The following C4BPA variants were observed in gnomAD, a reference collection of about 807,000 sequenced individuals.
The protein encoded by C4BPA is C4b-binding protein alpha chain.
C4BPA carries 31 observed loss-of-function variants against 63.7 expected under a neutral mutation model. The ratio of observed to expected loss-of-function variants is 0.49; its 90% CI spans 0.37 to 0.66. The LOEUF is 0.66. C4BPA is among the 30% of genes least tolerant of loss of function. C4BPA has a pLI of 0.00. For synonymous variants in C4BPA, 259 were observed against 254.7 expected (o/e 1.02, Z -0.16); for missense variants, 572 against 723.3 (o/e 0.79, Z 2.40).
At chr1:207,125,028 A>G (rs1189404325) in intron 6 of C4BPA, among the ~76,000 whole-genome samples, 1 of 152,260 alleles carries the variant, frequency 6.6e-6, no homozygotes, top group African/African-American at 2.4e-5. Flanking sequence ...AAAGCAAGTG[A>G]TAATTGAGTC....
In C4BPA at chr1:207,144,778, G is replaced by T; in HGVS notation, c.*61G>T. Reference sequence around the variant, plus strand: ...GGCTTGCCTCTTGCAATTCAATACAGATCAGTTTAGCAAATCTACTGTCAA... The same window carrying T: ...GGCTTGCCTCTTGCAATTCAATACATATCAGTTTAGCAAATCTACTGTCAA... On this transcript the variant is annotated 3_prime_UTR_variant, in exon 12 of 12. Transcript: ENST00000367070. 1 of 1,096,332 alleles carries T rather than the reference G, an allele frequency of 9.1e-7. No individual in the cohort carries two copies. The highest frequency in any genetic ancestry group is 1.3e-6 in the Non-Finnish European group (1 of 788,138). 67.9% of individuals were successfully genotyped at this position (1,096,332 alleles called of 1,614,324 possible).
chr1:207,139,550 G>GA (rs1685366604), intron 9 of C4BPA, among the ~76,000 whole-genome samples: 1 of 152,130 alleles, frequency 6.6e-6, no homozygotes, highest in Non-Finnish European at 1.5e-5. Context: ...CGCAGGTCAA[G>GA]AACCCAATAT....
At position 207,144,584 on chromosome 1, in the gene C4BPA, G is replaced by A. The variant is rs1006960209; in HGVS notation, c.1661G>A (p.Arg554Lys). ...TGTGAACAAGTGCTCACAGGCAAAA[G>A]ACTCATGCAGTGTCTCCCAAACCCA... ...EGCEQVLTGK[R>K]LMQCLPNPED... The change falls in exon 12 of 12, where the codon AGA (arginine) becomes AAA (lysine). Residue 554 changes from arginine to lysine, a missense_variant. Transcript: ENST00000367070. The A allele has an allele frequency of 1.2e-6, 2 of 1,612,842 alleles. No individual in the cohort carries two copies. Among genetic ancestry groups the A allele is most frequent in the African/African-American group, 2.7e-5 (2 of 74,842 alleles).
chr1:207,118,200 CT>C (rs1684847213), intron 4 of C4BPA, among the ~76,000 whole-genome samples: 1 of 147,230 alleles, frequency 6.8e-6, no homozygotes, highest in Non-Finnish European at 1.5e-5. Context: ...TATCATCTAT[CT>C]ATCTATCATC....
intron 6 of C4BPA, among the ~76,000 whole-genome samples, chr1:207,124,788 AAGAG>A (rs1685000335): frequency 6.6e-6 from 1 of 152,196 alleles, no homozygotes; most frequent in African/African-American, 2.4e-5. Context: ...TCAGTAGACG[AAGAG>A]AGAAAGGCCA....
At chr1:207,142,305 A>T (rs1263090763) in intron 10 of C4BPA, among the ~76,000 whole-genome samples, 1 of 152,104 alleles carries the variant, frequency 6.6e-6, no homozygotes, top group Non-Finnish European at 1.5e-5. Flanking sequence ...ACAGTTTCTT[A>T]ATCCAGTCTA....
In C4BPA at chr1:207,141,243, T is replaced by G; in HGVS notation, c.1411T>G (p.Ser471Ala). The G allele has an allele frequency of 1.2e-6, 2 of 1,613,586 alleles. No homozygotes were observed. Among genetic ancestry groups the G allele is most frequent in the Non-Finnish European group, 1.7e-6 (2 of 1,179,808 alleles). ...ACAGGCGAAACTCTCCTGCAGTTATTCACACTGGTCAGCTCCAGCCCCTCA... is the reference window on the plus strand; with the variant it reads ...ACAGGCGAAACTCTCCTGCAGTTATGCACACTGGTCAGCTCCAGCCCCTCA... ...VGQAKLSCSYSHWSAPAPQCK... is the reference protein window; with the variant it reads ...VGQAKLSCSYAHWSAPAPQCK... The change falls in exon 10 of 12, where the codon TCA becomes GCA. Residue 471 changes from serine (S) to alanine (A), a missense_variant. By Grantham distance (99) the Ser-to-Ala change is moderately conservative. Around this residue, in one of 2 missense-constraint regions of C4BPA, gnomAD observed 465 missense variants for 629.4 expected, o/e 0.74. Coordinates refer to ENST00000367070, the MANE Select transcript of C4BPA (RefSeq NM_000715.4).
chr1:207,136,534 A>C (rs1022536818), intron 9 of C4BPA, among the ~76,000 whole-genome samples: 9 of 152,134 alleles, frequency 5.9e-5, no homozygotes, highest in African/African-American at 1.9e-4. Context: ...CTGAATCCTA[A>C]TTTAGCCTAT....
intron 4 of C4BPA, among the ~76,000 whole-genome samples, chr1:207,120,027 T>A (rs1452161656): frequency 1.3e-5 from 2 of 152,006 alleles, no homozygotes; most frequent in Non-Finnish European, 1.5e-5. Flanking sequence ...GGCATTGGAG[T>A]GTAAGGGGGT....
intron 7 of C4BPA, among the ~76,000 whole-genome samples, chr1:207,129,972 T>C (rs1685126841): frequency 6.6e-6 from 1 of 152,176 alleles, no homozygotes; most frequent in Admixed American, 6.5e-5. Context: ...ACCTTTCTTG[T>C]GATGTTATTG....
Position 207,128,862 on chromosome 1 carries a change from C to CA in C4BPA, c.889+1977dup, listed in dbSNP as rs199543332. Among the ~76,000 whole-genome samples, 759 of 148,506 alleles carry CA rather than the reference C, an allele frequency of 5.1e-3. 8 individuals are homozygous for CA. The highest frequency in any genetic ancestry group is 0.018 in the African/African-American group (714 of 40,570). On this transcript the variant is annotated intron_variant, in intron 7 of 11. Coordinates refer to ENST00000367070, the MANE Select transcript of C4BPA (RefSeq NM_000715.4). ...TGTATTATCTAACATGTTCTGTTTT[C>CA]AAAAAAAAAATTGTCAGATGTGCAA...
chr1:207,124,015 A>G lies in C4BPA; in HGVS notation c.514+8A>G. On this transcript the variant is annotated splice_region_variant and intron_variant, in intron 5 of 11. Transcript: ENST00000367070. The stretch of plus-strand genomic sequence containing the variant: ...CTCTCCCACAATGTGAAAGTAAGTA[A>G]AGACTCTTCTGACTTGACTATCAAT... 6.3e-7 allele frequency: 1 copy of G among 1,594,438 alleles called. No individual in the cohort carries two copies. The highest frequency in any genetic ancestry group is 8.6e-7 in the Non-Finnish European group (1 of 1,163,238).
At chr1:207,124,993 C>A (rs1685005844) in intron 6 of C4BPA, among the ~76,000 whole-genome samples, 1 of 152,184 alleles carries the variant, frequency 6.6e-6, no homozygotes. Context: ...CAAGCAAAAC[C>A]TGAGTGCCAG....
chr1:207,124,481 G>A lies in C4BPA; in HGVS notation c.706+115G>A, dbSNP rs183782166. ...AAAATTCAAAGATAAACTAACTATC[G>A]CTCTGATGCAATCATTTATTTGGCC... is the stretch of plus-strand genomic sequence containing the variant. On this transcript the variant is annotated intron_variant, in intron 6 of 11. Transcript: ENST00000367070. 9.1e-5 allele frequency: 67 copies of A among 733,506 alleles called. No individual in the cohort carries two copies. The Middle Eastern group carries it at 3.3e-3, about 36-fold the overall frequency. 45.4% of individuals were successfully genotyped at this position (733,506 alleles called of 1,614,324 possible).
At chr1:207,126,989 G>T in intron 7 of C4BPA, 94 bp downstream of exon 7, 1 of 817,086 alleles carries the variant, frequency 1.2e-6, no homozygotes, top group Non-Finnish European at 1.9e-6. Context: ...GGCCTACTAT[G>T]AATTACAGTA....
intron 10 of C4BPA, 37 bp downstream of exon 10, chr1:207,141,313 G>T: frequency 6.4e-7 from 1 of 1,567,844 alleles, no homozygotes; most frequent in Non-Finnish European, 8.7e-7. Context: ...AGATTAAGTG[G>T]GTGGACGTGT....
intron 7 of C4BPA, among the ~76,000 whole-genome samples, chr1:207,130,905 TA>T (rs151250934): frequency 0.071 from 10,844 of 152,296 alleles, 529 homozygotes; most frequent in Admixed American, 0.1. Flanking sequence ...CTGTATATAC[TA>T]AAAACCATTG....
chr1:207,131,740 GGTGA>G lies in C4BPA; in HGVS notation c.1084+3_1084+6del. The G allele has an allele frequency of 1.9e-6, 3 of 1,602,834 alleles. No homozygotes were observed. The highest frequency in any genetic ancestry group is 2.6e-6 in the Non-Finnish European group (3 of 1,174,998). On this transcript the variant is annotated splice_donor_variant and splice_donor_region_variant and intron_variant, in intron 8 of 11. Transcript: ENST00000367070. LOFTEE classifies it high-confidence loss of function. ...ATGGACCCCATACCAAGGATGTGAG[GGTGA>G]GTTTTTGTTTTTTAATATTTTTGTA...
intron 9 of C4BPA, among the ~76,000 whole-genome samples, chr1:207,135,761 G>C (rs996187963): frequency 2.0e-5 from 3 of 152,226 alleles, no homozygotes; most frequent in African/African-American, 7.2e-5. Context: ...TTGCCTCCCA[G>C]CTGGCACTTC....
Sources: allele counts gnomAD v4.1 joint callset (sites outside exome capture counted in the v4.1 genomes callset), GRCh38; gene constraint gnomAD v4.1.1; regional missense constraint gnomAD v4.1.1; transcripts MANE v1.5; gene names NCBI Gene and HGNC (gene_info 2026-07-23, HGNC 2026-07-21).